ANP32A: variants seen among roughly 807,000 people sequenced by gnomAD.
ANP32A encodes acidic nuclear phosphoprotein 32 family member A, also known as acidic leucine-rich nuclear phosphoprotein 32 family member A.
In ANP32A, 1 loss-of-function variant was observed where a neutral mutation model predicts 33.9. The ratio of observed to expected loss-of-function variants is 0.03; its 90% CI spans 0.01 to 0.14. The LOEUF (loss-of-function observed/expected upper bound fraction) is 0.14, where lower values mean the gene tolerates loss of function less well. Ranked by LOEUF, ANP32A falls within the 10% of genes least tolerant of loss-of-function variation. The pLI is 1.00. For missense variants in ANP32A, 155 were observed against 306.0 expected (o/e 0.51, Z 3.68); for synonymous variants, 115 against 120.5 (o/e 0.95, Z 0.30).
chr15:68,803,797 A>ATT (rs1894171737), intron 1 of ANP32A, among the ~76,000 whole-genome samples: 1 of 120,048 alleles, frequency 8.3e-6, no homozygotes, highest in African/African-American at 2.9e-5. Context: ...TATTTCACAA[A>ATT]CTTTTTTTTT....
rs1476592649 is a variant in ANP32A, at chr15:68,780,050, A to G, written c.*31T>C. The G allele has an allele frequency of 1.9e-6, 3 of 1,608,198 alleles. No homozygotes were observed. Among genetic ancestry groups the G allele is most frequent in the East Asian group, 2.2e-5 (1 of 44,818 alleles). On this transcript the variant is annotated 3_prime_UTR_variant, in exon 7 of 7. Transcript: ENST00000465139. This position sits in a 1 kb window ranked among gnomAD's most constrained non-coding sequence, Gnocchi z 4.3. Reference sequence around the variant, plus strand: ...ATATGGGTAAAAACAGTCAAATCACAATAGGAATTTTTCAAAATAGGTTAT... The same window carrying G: ...ATATGGGTAAAAACAGTCAAATCACGATAGGAATTTTTCAAAATAGGTTAT...
rs1038987066 is a variant in ANP32A at position 68,818,899 on chromosome 15, G to A, written c.54+1799C>T. On this transcript the variant is annotated intron_variant, in intron 1 of 6. Transcript: ENST00000465139. ...CGGCCGGGACGAAAGCGGCCGGAGA[G>A]AGGCAAACCGCCCGCAAATAGTGCG... Among the ~76,000 whole-genome samples, 8 of 151,850 alleles carry A rather than the reference G, an allele frequency of 5.3e-5. No individual in the cohort carries two copies. In the East Asian group the frequency reaches 1.4e-3, roughly 26 times the overall value.
intron 1 of ANP32A, chr15:68,791,340 C>T (rs1046284727): frequency 1.3e-5 from 2 of 152,240 alleles, no homozygotes; most frequent in African/African-American, 2.4e-5. Context: ...TTGTTACGCT[C>T]TTCTTTTGTT....
chr15:68,818,805 G>A (rs1894428433), intron 1 of ANP32A, among the ~76,000 whole-genome samples: 1 of 151,490 alleles, frequency 6.6e-6, no homozygotes, highest in East Asian at 2.0e-4. Flanking sequence ...GAAAGTACGC[G>A]GGAAGACCGC....
intron 1 of ANP32A, among the ~76,000 whole-genome samples, chr15:68,794,920 A>G (rs1378029921): frequency 1.3e-5 from 2 of 152,212 alleles, no homozygotes; most frequent in East Asian, 3.8e-4. Context: ...AACACTTGCA[A>G]TTACTTTCTT....
chr15:68,820,183 T>TGCGA lies in ANP32A; in HGVS notation c.54+511_54+514dup, dbSNP rs1431453196. ...CGCGAAGCCCCAAACTTATTGTGTG[T>TGCGA]GCGAGCGAGCGAGCGAGAGAAAGGG... On this transcript the variant is annotated intron_variant, in intron 1 of 6. Coordinates refer to ENST00000465139, the MANE Select transcript of ANP32A (RefSeq NM_006305.4). Among the ~76,000 whole-genome samples, 471 of 150,992 alleles carry TGCGA rather than the reference T, an allele frequency of 3.1e-3. 7 individuals are homozygous for TGCGA. The highest frequency in any genetic ancestry group is 0.011 in the African/African-American group (454 of 41,086).
intron 1 of ANP32A, among the ~76,000 whole-genome samples, chr15:68,819,572 C>T (rs974505148): frequency 3.9e-5 from 6 of 152,274 alleles, no homozygotes; most frequent in Non-Finnish European, 7.3e-5. Context: ...CCACGGGCGC[C>T]AGCTCCGGGC....
chr15:68,809,510 C>T (rs1894284366), intron 1 of ANP32A, among the ~76,000 whole-genome samples: 1 of 151,992 alleles, frequency 6.6e-6, no homozygotes, highest in African/African-American at 2.4e-5. Context: ...TTTATAATGT[C>T]CATATTTATA....
At position 68,778,600 on chromosome 15, in the gene ANP32A, A is replaced by G. The variant is rs965783201; in HGVS notation, c.*1481T>C. 2.0e-5 allele frequency: 3 copies of G among 152,216 alleles called. No individual in the cohort carries two copies. Among genetic ancestry groups the G allele is most frequent in the African/African-American group, 7.2e-5 (3 of 41,472 alleles). The allele number at this position is 152,216 out of a possible 1,614,324, so 9.4% of individuals were successfully genotyped here. ...AACCATACATTCTTTTTACAATACG[A>G]CAAACAAAACAATGAAAGATATTCA... On this transcript the variant is annotated 3_prime_UTR_variant, in exon 7 of 7. Transcript: ENST00000465139.
intron 4 of ANP32A, 92 bp downstream of exon 4, chr15:68,784,305 A>G (rs1434939664): frequency 1.4e-6 from 2 of 1,424,956 alleles, no homozygotes; most frequent in African/African-American, 2.8e-5. Context: ...GGGGCCTCCC[A>G]ACACCCAGCC....
At chr15:68,782,584 G>A (rs1361919022) in intron 5 of ANP32A, among the ~76,000 whole-genome samples, 1 of 152,266 alleles carries the variant, frequency 6.6e-6, no homozygotes, top group East Asian at 1.9e-4. Flanking sequence ...GGCAGACTTT[G>A]GTTTTCCCTA....
chr15:68,784,603 C>T lies in ANP32A; in HGVS notation c.328-8G>A, dbSNP rs375692812. 2.6e-5 allele frequency: 42 copies of T among 1,613,918 alleles called. 1 individual carries two copies. Among genetic ancestry groups the T allele is most frequent in the African/African-American group, 2.4e-4 (18 of 74,998 alleles). ...GAGGTTTTCTAACTTTTTCTGCAAGCGGAAAAATGAAGCCAACAGTAAGTG... is the reference window on the plus strand; with the variant it reads ...GAGGTTTTCTAACTTTTTCTGCAAGTGGAAAAATGAAGCCAACAGTAAGTG... On this transcript the variant is annotated splice_region_variant and splice_polypyrimidine_tract_variant and intron_variant, in intron 3 of 6. Transcript: ENST00000465139.
chr15:68,781,907 G>A (rs768792787), intron 5 of ANP32A, among the ~76,000 whole-genome samples: 4 of 152,082 alleles, frequency 2.6e-5, no homozygotes, highest in Non-Finnish European at 5.9e-5. Flanking sequence ...CCTGGCCTCC[G>A]CGATTCTATT....
At chr15:68,808,313 G>T (rs993246612) in intron 1 of ANP32A, among the ~76,000 whole-genome samples, 3 of 152,116 alleles carry the variant, frequency 2.0e-5, no homozygotes, top group African/African-American at 7.2e-5. Flanking sequence ...TCCCCTGGCA[G>T]TTCTGATCCA....
At chr15:68,801,221 A>AGG (rs1555423697) in intron 1 of ANP32A, among the ~76,000 whole-genome samples, 1 of 66,624 alleles carries the variant, frequency 1.5e-5, no homozygotes, top group South Asian at 8.4e-4. Context: ...AAGAAGAAGA[A>AGG]AAAAAAAAAA....
intron 5 of ANP32A, among the ~76,000 whole-genome samples, chr15:68,782,074 A>G (rs1213290827): frequency 1.3e-5 from 2 of 152,220 alleles, no homozygotes; most frequent in African/African-American, 2.4e-5. Flanking sequence ...CGCCTTGTCC[A>G]TGCTATTGTC....
At chr15:68,787,010 C>T (rs1893941577) in intron 3 of ANP32A, among the ~76,000 whole-genome samples, 1 of 152,234 alleles carries the variant, frequency 6.6e-6, no homozygotes, top group South Asian at 2.1e-4. Context: ...AAGGAGAAAA[C>T]TGGAGTCCAC....
chr15:68,808,049 G>A (rs951659483), intron 1 of ANP32A, among the ~76,000 whole-genome samples: 1 of 152,206 alleles, frequency 6.6e-6, no homozygotes, highest in Non-Finnish European at 1.5e-5. Context: ...AGGTCAAGGA[G>A]CGGATCCCTG....
Position 68,779,443 on chromosome 15 carries a change from A to C in ANP32A, c.*638T>G, listed in dbSNP as rs1220861823. 2 of 152,224 alleles carry C rather than the reference A, an allele frequency of 1.3e-5. No individual in the cohort carries two copies. The highest frequency in any genetic ancestry group is 4.8e-5 in the African/African-American group (2 of 41,456). 9.4% of individuals were successfully genotyped at this position (152,224 alleles called of 1,614,324 possible). A position where few individuals can be genotyped will look rare whatever the true frequency, so the allele number is the denominator to read the frequency against. ...CCTGCGGTTTTCAGCTCTCTGGCTC[A>C]TAAGCTCAAGAGTAACATCAGAGTC... is the stretch of plus-strand genomic sequence containing the variant. On this transcript the variant is annotated 3_prime_UTR_variant, in exon 7 of 7. Coordinates refer to ENST00000465139, the MANE Select transcript of ANP32A (RefSeq NM_006305.4).
Sources: gnomAD v4.1 joint callset for allele counts (sites outside exome capture counted in the v4.1 genomes callset) on GRCh38, gnomAD v4.1.1 for gene constraint, Gnocchi (gnomAD v3.1) non-coding constraint, MANE v1.5 for transcripts, NCBI Gene and HGNC (gene_info 2026-07-23, HGNC 2026-07-21) for gene names.